The following PCDH15 variants were observed in gnomAD, a reference collection of about 807,000 sequenced individuals.
PCDH15 encodes protocadherin related 15, also known as protocadherin-15.
A neutral mutation model predicts 178.5 loss-of-function variants in PCDH15; 129 were observed. The ratio of observed to expected loss-of-function variants is 0.72; its 90% CI spans 0.63 to 0.84. PCDH15 has a LOEUF of 0.84. Among genes scored for constraint, PCDH15 ranks in the 40% least tolerant of loss-of-function variants. The pLI, the probability that PCDH15 is intolerant of heterozygous loss-of-function variation, is 0.00. For synonymous variants in PCDH15, 800 were observed against 732.0 expected (o/e 1.09, Z -1.50); for missense variants, 2,230 against 2,099.9 (o/e 1.06, Z -1.21).
chr10:54,940,906 T>C (rs1838045027), intron 2 of PCDH15, among the ~76,000 whole-genome samples: 2 of 152,136 alleles, frequency 1.3e-5, no homozygotes, highest in Non-Finnish European at 2.9e-5. Flanking sequence ...TTTGAATCTT[T>C]GAGTCTAAAG....
intron 3 of PCDH15, among the ~76,000 whole-genome samples, chr10:54,470,163 T>C (rs887759899): frequency 8.5e-5 from 13 of 152,156 alleles, no homozygotes; most frequent in African/African-American, 2.9e-4. Context: ...AAGCTGCACT[T>C]GCAGCACTGC....
intron 1 of PCDH15, among the ~76,000 whole-genome samples, chr10:55,190,962 T>C (rs1839930099): frequency 6.6e-6 from 1 of 151,772 alleles, no homozygotes; most frequent in South Asian, 2.1e-4. Context: ...TTTAATATAT[T>C]ATTTGATAAA....
intron 26 of PCDH15, among the ~76,000 whole-genome samples, chr10:53,877,239 T>C (rs2080315010): frequency 6.6e-6 from 1 of 152,164 alleles, no homozygotes; most frequent in Non-Finnish European, 1.5e-5. Context: ...TTGCTAATAA[T>C]AAAATGATTA....
At chr10:53,891,432 C>G (rs1428514316) in intron 26 of PCDH15, among the ~76,000 whole-genome samples, 4 of 152,084 alleles carry the variant, frequency 2.6e-5, no homozygotes, top group African/African-American at 9.7e-5. Context: ...TATTCCATAC[C>G]TATACCTTGG....
rs746114138 is a variant in PCDH15, at chr10:54,378,958, A to G, written c.158-16T>C. 4 of 1,613,356 alleles carry G rather than the reference A, an allele frequency of 2.5e-6. No homozygotes were observed. Among genetic ancestry groups the G allele is most frequent in the South Asian group, 1.1e-5 (1 of 91,088 alleles). On this transcript the variant is annotated splice_polypyrimidine_tract_variant and intron_variant, in intron 3 of 37. Coordinates refer to ENST00000644397, the MANE Select transcript of PCDH15 (RefSeq NM_001384140.1). ...AGAATTGTACCTGCAAACCAAAGAA[A>G]GGTACTTGAAAACATATTCTACTCA...
intron 8 of PCDH15, among the ~76,000 whole-genome samples, chr10:54,267,595 C>T (rs1354324412): frequency 1.3e-5 from 2 of 151,792 alleles, no homozygotes; most frequent in African/African-American, 2.4e-5. Flanking sequence ...AGGCAATCAA[C>T]ATACAAAAAG....
intron 3 of PCDH15, among the ~76,000 whole-genome samples, chr10:54,485,864 G>T (rs1362607703): frequency 2.0e-5 from 3 of 152,030 alleles, no homozygotes; most frequent in Non-Finnish European, 4.4e-5. Flanking sequence ...CAAAGAACTT[G>T]AATAAATTCT....
chr10:54,101,893 T>G (rs2094819235), intron 15 of PCDH15, among the ~76,000 whole-genome samples: 3 of 152,074 alleles, frequency 2.0e-5, no homozygotes, highest in Non-Finnish European at 4.4e-5. Flanking sequence ...GAGGATAACT[T>G]GAGCCCTGGA....
At chr10:53,847,730 T>C (rs887552921) in intron 28 of PCDH15, among the ~76,000 whole-genome samples, 1 of 152,148 alleles carries the variant, frequency 6.6e-6, no homozygotes, top group Admixed American at 6.5e-5. Flanking sequence ...CTACTCTATA[T>C]GGACTATACA....
At chr10:55,520,165 ATATATATACACGCAATGTG>A (rs1226018110) in intron 2 of PCDH15, among the ~76,000 whole-genome samples, 6 of 90,132 alleles carry the variant, frequency 6.7e-5, no homozygotes, top group African/African-American at 2.2e-4. Context: ...CAATGTGTAT[ATATATATACACGCAATGTG>A]TATATATATA....
chr10:55,587,474 G>A (rs1480144368), intron 2 of PCDH15, among the ~76,000 whole-genome samples: 3 of 152,032 alleles, frequency 2.0e-5, no homozygotes, highest in African/African-American at 7.2e-5. Flanking sequence ...TCCATTAAAT[G>A]CTATGGTCTC....
chr10:55,021,099 C>G (rs958413943), intron 2 of PCDH15, among the ~76,000 whole-genome samples: 2 of 152,152 alleles, frequency 1.3e-5, no homozygotes, highest in Admixed American at 1.3e-4. Context: ...CAGGTGTGTT[C>G]TTAACTTCGG....
intron 27 of PCDH15, among the ~76,000 whole-genome samples, chr10:53,863,287 C>T (rs578108569): frequency 1.3e-5 from 2 of 152,186 alleles, no homozygotes; most frequent in South Asian, 2.1e-4. Flanking sequence ...CTCAATACTA[C>T]AAGGTCAGGA....
intron 2 of PCDH15, among the ~76,000 whole-genome samples, chr10:54,551,299 G>C (rs961221624): frequency 1.3e-4 from 20 of 151,328 alleles, no homozygotes. Context: ...ATTGAATCAA[G>C]ACATTTATAT....
rs73252070 is a variant in PCDH15, at chr10:54,821,320, A to G, written c.-29+76130T>C. ...GAGCACAACCTTATGTCAAACCCTG[A>G]CCCAACTATGTACATTAGAACCTCA... On this transcript the variant is annotated intron_variant, in intron 3 of 5. Transcript: ENST00000458638. Among the ~76,000 whole-genome samples, 559 of 152,136 alleles carry G rather than the reference A, an allele frequency of 3.7e-3. 1 individual carries two copies. Among genetic ancestry groups the G allele is most frequent in the African/African-American group, 0.013 (537 of 41,534 alleles).
At chr10:53,909,202 C>T (rs898502660) in intron 25 of PCDH15, among the ~76,000 whole-genome samples, 16 of 152,158 alleles carry the variant, frequency 1.1e-4, no homozygotes, top group Non-Finnish European at 2.9e-5. Context: ...CCTACACTCC[C>T]TCTTTCCTGC....
At chr10:55,133,622 A>G (rs1356750296) in intron 2 of PCDH15, among the ~76,000 whole-genome samples, 1 of 152,080 alleles carries the variant, frequency 6.6e-6, no homozygotes, top group Non-Finnish European at 1.5e-5. Context: ...CACAAGTTTA[A>G]TAGGTGTCTA....
intron 2 of PCDH15, among the ~76,000 whole-genome samples, chr10:55,378,813 C>T (rs1837459217): frequency 6.6e-6 from 1 of 151,662 alleles, no homozygotes; most frequent in South Asian, 2.1e-4. Context: ...TCCCTCCCTC[C>T]TTTTTCTCAC....
chr10:54,165,802 G>A (rs940001226), intron 13 of PCDH15, among the ~76,000 whole-genome samples: 1 of 152,068 alleles, frequency 6.6e-6, no homozygotes, highest in African/African-American at 2.4e-5. Context: ...TAAATAATTG[G>A]ATCCATTTAT....
Sources: gnomAD v4.1 joint callset for allele counts (sites outside exome capture counted in the v4.1 genomes callset) on GRCh38, gnomAD v4.1.1 for gene constraint, MANE v1.5 for transcripts, NCBI Gene and HGNC (gene_info 2026-07-23, HGNC 2026-07-21) for gene names.